The following CAMTA1 variants were observed in gnomAD, a reference collection of about 807,000 sequenced individuals.
CAMTA1 encodes calmodulin-binding transcription activator 1.
A neutral mutation model predicts 170.9 loss-of-function variants in CAMTA1; 27 were observed. The observed-to-expected ratio is 0.16, with a 90% confidence interval of 0.12 to 0.22. The LOEUF is 0.22. Among genes scored for constraint, CAMTA1 ranks in the 10% least tolerant of loss-of-function variants. The probability of loss-of-function intolerance (pLI) is 1.00; values close to 1 mark genes in which losing one functional copy is unlikely to be tolerated. For missense variants in CAMTA1, 1,619 were observed against 2,217.2 expected (o/e 0.73, Z 5.42); for synonymous variants, 833 against 891.5 (o/e 0.93, Z 1.17).
chr1:7,390,146 C>T (rs973755901), intron 5 of CAMTA1, among the ~76,000 whole-genome samples: 13 of 152,174 alleles, frequency 8.5e-5, no homozygotes, highest in Admixed American at 6.5e-5. Flanking sequence ...CCAGTCACTT[C>T]CCCACCCTCT....
chr1:6,963,117 C>T (rs1690800099), intron 3 of CAMTA1, among the ~76,000 whole-genome samples: 1 of 151,792 alleles, frequency 6.6e-6, no homozygotes, highest in African/African-American at 2.4e-5. Context: ...ATCCCACCCT[C>T]TGGCCTCACC....
At chr1:6,859,290 G>A (rs1223569607) in intron 3 of CAMTA1, among the ~76,000 whole-genome samples, 1 of 152,122 alleles carries the variant, frequency 6.6e-6, no homozygotes, top group Non-Finnish European at 1.5e-5. Context: ...ACACCATGTT[G>A]TGGACATTTT....
chr1:7,055,701 G>A (rs138684582), intron 3 of CAMTA1, among the ~76,000 whole-genome samples: 2 of 152,290 alleles, frequency 1.3e-5, no homozygotes, highest in Non-Finnish European at 2.9e-5. Flanking sequence ...AGGAGGCTGC[G>A]GCAGCATCAC....
At chr1:7,032,982 A>AT (rs1258030156) in intron 3 of CAMTA1, among the ~76,000 whole-genome samples, 2 of 144,000 alleles carry the variant, frequency 1.4e-5, no homozygotes, top group Admixed American at 1.4e-4. Context: ...TGCTTTTAGG[A>AT]TTTTTTCTTT....
Position 7,661,820 on chromosome 1 carries a change from C to A in CAMTA1, c.759C>A (p.Thr253=). 1.9e-6 allele frequency: 3 copies of A among 1,613,532 alleles called. No homozygotes were observed. The highest frequency in any genetic ancestry group is 8.5e-7 in the Non-Finnish European group (1 of 1,179,944). Residue 253 remains threonine, a synonymous_variant, in exon 8 of 23, where the codon ACC becomes ACA. Transcript: ENST00000303635. The part of the protein sequence containing the change: ...LVQQILDSHQ[T]KPQPRTHNCL... ...AGCAGATCCTCGACAGCCACCAGAC[C>A]AAGCCCCAGCCGCGGACCCACAACT...
intron 5 of CAMTA1, among the ~76,000 whole-genome samples, chr1:7,398,193 C>CTCTCTCTATATATATATA (rs1557651862): frequency 1.8e-4 from 3 of 16,896 alleles, no homozygotes; most frequent in Non-Finnish European, 2.2e-4. Flanking sequence ...CTCTCTCTCT[C>CTCTCTCTATATATATATA]TATATATATA....
chr1:7,734,537 AAT>A (rs2096756992), intron 12 of CAMTA1, among the ~76,000 whole-genome samples: 1 of 110,804 alleles, frequency 9.0e-6, no homozygotes, highest in Non-Finnish European at 2.0e-5. Flanking sequence ...GTTTTTGTTT[AAT>A]ACAAAAAAAA....
chr1:6,794,404 A>G (rs1191554121), intron 1 of CAMTA1, among the ~76,000 whole-genome samples: 1 of 152,220 alleles, frequency 6.6e-6, no homozygotes, highest in Admixed American at 6.5e-5. Flanking sequence ...ATCTCTTCAC[A>G]TTTTAGATTT....
Position 7,063,054 on chromosome 1 carries a change from T to C in CAMTA1, c.235-28250T>C, listed in dbSNP as rs1460752310. Among the ~76,000 whole-genome samples, 1 of 152,172 alleles carries C rather than the reference T, an allele frequency of 6.6e-6. No individual in the cohort carries two copies. The highest frequency in any genetic ancestry group is 1.5e-5 in the Non-Finnish European group (1 of 68,038). On this transcript the variant is annotated intron_variant, in intron 3 of 22. Coordinates refer to ENST00000303635, the MANE Select transcript of CAMTA1 (RefSeq NM_015215.4). This position sits in a 1 kb window ranked among gnomAD's most constrained non-coding sequence, Gnocchi z 4.3. Reference sequence around the variant, plus strand: ...GGGTACAGGGGTTAGGACTTCAACATATCTTTTTGGGGAACACGGATTCAT... The same window carrying C: ...GGGTACAGGGGTTAGGACTTCAACACATCTTTTTGGGGAACACGGATTCAT...
rs1346376736 is a variant in CAMTA1, at chr1:7,738,955, C to G, written c.4182+473C>G. ...TAAAGGGCATATATGGCGTGAGGCT[C>G]TCACGAGGGCAGCGAAATATTCCTG... On this transcript the variant is annotated intron_variant, in intron 16 of 22. Transcript: ENST00000303635. This position sits in a 1 kb window ranked among gnomAD's most constrained non-coding sequence, Gnocchi z 4.9. Among the ~76,000 whole-genome samples the G allele has an allele frequency of 6.6e-6, 1 of 152,180 alleles. No individual in the cohort carries two copies. The highest frequency in any genetic ancestry group is 2.4e-5 in the African/African-American group (1 of 41,450).
intron 5 of CAMTA1, among the ~76,000 whole-genome samples, chr1:7,331,625 G>A (rs1211310408): frequency 6.6e-6 from 1 of 152,196 alleles, no homozygotes; most frequent in Non-Finnish European, 1.5e-5. Context: ...ATTATGAGCA[G>A]GGTCTAGAAC....
intron 7 of CAMTA1, among the ~76,000 whole-genome samples, chr1:7,651,034 T>G (rs1393873726): frequency 6.6e-6 from 1 of 152,058 alleles, no homozygotes; most frequent in African/African-American, 2.4e-5. Context: ...CCGCTCCCTC[T>G]CCCGTCCGCC....
intron 5 of CAMTA1, among the ~76,000 whole-genome samples, chr1:7,408,163 G>A (rs145729756): frequency 1.1e-3 from 169 of 150,964 alleles, no homozygotes; most frequent in African/African-American, 3.7e-3. Context: ...TCATCTGAAC[G>A]AAGTGGTTGC....
intron 3 of CAMTA1, among the ~76,000 whole-genome samples, chr1:6,840,773 G>A (rs1376427064): frequency 1.3e-5 from 2 of 152,184 alleles, no homozygotes; most frequent in Non-Finnish European, 2.9e-5. Context: ...AGTGCAGGAG[G>A]AGCCAGCACA....
rs1403173240 is a variant in CAMTA1 at position 7,682,234 on chromosome 1, T to C, written c.2914+4501T>C. 3.3e-5 allele frequency among the ~76,000 whole-genome samples: 5 copies of C among 152,184 alleles called. No homozygotes were observed. Among genetic ancestry groups the C allele is most frequent in the Non-Finnish European group, 7.4e-5 (5 of 68,022 alleles). On this transcript the variant is annotated intron_variant, in intron 11 of 22. Coordinates refer to ENST00000303635, the MANE Select transcript of CAMTA1 (RefSeq NM_015215.4). This position sits in a 1 kb window ranked among gnomAD's most constrained non-coding sequence, Gnocchi z 5.0. ...TGGACTAAAAGCTCAAACTTCATTA[T>C]CCAGTTGCCTGCTTCCTGGGCAAGC...
chr1:7,053,360 C>T (rs1408210411), intron 3 of CAMTA1, among the ~76,000 whole-genome samples: 3 of 152,234 alleles, frequency 2.0e-5, no homozygotes, highest in African/African-American at 7.2e-5. Flanking sequence ...ATTAGTTCCG[C>T]TGTCTTCTCG....
At chr1:7,384,509 T>C (rs2087714016) in intron 5 of CAMTA1, among the ~76,000 whole-genome samples, 1 of 152,260 alleles carries the variant, frequency 6.6e-6, no homozygotes, top group Admixed American at 6.5e-5. Context: ...AATCCGTGGC[T>C]AATTTTTTGG....
At chr1:7,153,935 C>G (rs1646719882) in intron 4 of CAMTA1, among the ~76,000 whole-genome samples, 1 of 152,246 alleles carries the variant, frequency 6.6e-6, no homozygotes. Context: ...TAGGCCTGGG[C>G]TCCGGCCACG....
intron 3 of CAMTA1, among the ~76,000 whole-genome samples, chr1:6,904,487 G>T (rs1487385717): frequency 6.6e-6 from 1 of 151,154 alleles, no homozygotes; most frequent in Non-Finnish European, 1.5e-5. Context: ...ATCTGCCAAT[G>T]ACACCCACAT....
Sources: gnomAD v4.1 joint callset for allele counts (sites outside exome capture counted in the v4.1 genomes callset) on GRCh38, gnomAD v4.1.1 for gene constraint, Gnocchi (gnomAD v3.1) non-coding constraint, MANE v1.5 for transcripts, NCBI Gene and HGNC (gene_info 2026-07-23, HGNC 2026-07-21) for gene names.